Variants in TRAPPC9 observed in about 807,000 individuals in gnomAD.
TRAPPC9 encodes the protein trafficking protein particle complex subunit 9.
Under a neutral mutation model 124.0 loss-of-function variants are expected in TRAPPC9, and 83 were observed. The ratio of observed to expected loss-of-function variants is 0.67; its 90% CI spans 0.56 to 0.80. The LOEUF (loss-of-function observed/expected upper bound fraction) is 0.80. TRAPPC9 is among the 30% of genes least tolerant of loss of function. The pLI is 0.00. For synonymous variants in TRAPPC9, 638 were observed against 617.5 expected, an observed-to-expected ratio of 1.03 and a Z score of -0.49; for missense variants, 1,302 against 1,508.3, an observed-to-expected ratio of 0.86 and a Z score of 2.27.
At chr8:140,350,557 C>T (rs1435426127) in intron 9 of TRAPPC9, among the ~76,000 whole-genome samples, 2 of 152,112 alleles carry the variant, frequency 1.3e-5, no homozygotes, top group Non-Finnish European at 2.9e-5. Context: ...CAGATGGGGT[C>T]TGCTAGCCTC....
intron 21 of TRAPPC9, among the ~76,000 whole-genome samples, chr8:139,735,949 G>A (rs546051268): frequency 6.6e-6 from 1 of 152,254 alleles, no homozygotes; most frequent in South Asian, 2.1e-4. Flanking sequence ...GGCAGGGGTT[G>A]TGGGCAGAGC....
At chr8:140,331,343 T>G (rs1027387784) in intron 9 of TRAPPC9, among the ~76,000 whole-genome samples, 1 of 152,048 alleles carries the variant, frequency 6.6e-6, no homozygotes, top group African/African-American at 2.4e-5. Flanking sequence ...AAGACTTAAA[T>G]GTAAAAACCA....
chr8:139,751,171 G>C (rs967860166), intron 21 of TRAPPC9, among the ~76,000 whole-genome samples: 1 of 152,244 alleles, frequency 6.6e-6, no homozygotes. Context: ...AGCCCACCCA[G>C]CCACAGGTCT....
intron 17 of TRAPPC9, chr8:140,096,734 G>A (rs1021563329): frequency 6.6e-6 from 1 of 152,206 alleles, no homozygotes; most frequent in East Asian, 1.9e-4. Context: ...ACCCAGTAGA[G>A]ATACTGGGTA....
chr8:140,148,189 A>G (rs6578073), intron 17 of TRAPPC9, among the ~76,000 whole-genome samples: 86,848 of 152,070 alleles, frequency 0.57, 26,944 homozygotes, highest in African/African-American at 0.83. Flanking sequence ...GACAGCCAGA[A>G]GGAGTCAGAT....
chr8:140,070,302 T>C lies in TRAPPC9; in HGVS notation c.2557-46223A>G, dbSNP rs181442986. The stretch of plus-strand genomic sequence containing the variant: ...TATAGAAATGTCACAGCACAGATGA[T>C]ATGTGTTAACATGCAGCCTTCTTAA... On this transcript the variant is annotated intron_variant, in intron 17 of 22. Transcript: ENST00000438773. Among the ~76,000 whole-genome samples the C allele has an allele frequency of 2.6e-5, 4 of 152,364 alleles. No individual in the cohort carries two copies. In the East Asian group the frequency reaches 7.7e-4, roughly 29 times the overall value.
At chr8:140,069,113 C>A (rs1398869029) in intron 17 of TRAPPC9, among the ~76,000 whole-genome samples, 1 of 152,192 alleles carries the variant, frequency 6.6e-6, no homozygotes, top group Non-Finnish European at 1.5e-5. Context: ...TGTCCCGATC[C>A]CCTCCTGAAG....
chr8:140,027,142 T>C (rs1840198896), intron 17 of TRAPPC9, among the ~76,000 whole-genome samples: 1 of 152,194 alleles, frequency 6.6e-6, no homozygotes, highest in South Asian at 2.1e-4. Flanking sequence ...TTTCAAACAC[T>C]TCCTGGGTAT....
At position 139,825,961 on chromosome 8, in the gene TRAPPC9, G is replaced by A. The variant is rs1001309966; in HGVS notation, c.3055+59918C>T. Among the ~76,000 whole-genome samples, 3 of 152,218 alleles carry A rather than the reference G, an allele frequency of 2.0e-5. No individual in the cohort carries two copies. In the East Asian group the frequency reaches 5.8e-4, roughly 29 times the overall value. ...ACCCGCCCGTGGAACAGGCCATGAT[G>A]AGGATGTGCAACAGCAGGGGAGCTC... On this transcript the variant is annotated intron_variant, in intron 21 of 22. Coordinates refer to ENST00000438773, the MANE Select transcript of TRAPPC9 (RefSeq NM_001160372.4). This position sits in a 1 kb window ranked among gnomAD's most constrained non-coding sequence, Gnocchi z 4.6.
intron 17 of TRAPPC9, among the ~76,000 whole-genome samples, chr8:140,210,540 C>T (rs554330261): frequency 1.3e-5 from 2 of 152,150 alleles, no homozygotes; most frequent in African/African-American, 2.4e-5. Flanking sequence ...CATGTCCCCC[C>T]ACGCCCCCGC....
chr8:139,836,221 C>G (rs778615271), intron 21 of TRAPPC9, among the ~76,000 whole-genome samples: 2 of 152,184 alleles, frequency 1.3e-5, no homozygotes, highest in South Asian at 2.1e-4. Context: ...GTTGGCCAAG[C>G]TGGTCTCGAA....
chr8:140,426,496 T>G, intron 5 of TRAPPC9, 119 bp downstream of exon 5: 1 of 1,044,628 alleles, frequency 9.6e-7, no homozygotes, highest in Non-Finnish European at 1.5e-6. Flanking sequence ...GATTTAAAGT[T>G]ACTTAAATCA....
At chr8:140,169,551 C>A (rs746491413) in intron 17 of TRAPPC9, among the ~76,000 whole-genome samples, 3 of 152,012 alleles carry the variant, frequency 2.0e-5, no homozygotes, top group South Asian at 2.1e-4. Flanking sequence ...AAACAGAATG[C>A]GGATGTGGAA....
Position 139,776,653 on chromosome 8 carries a change from CGTGTGTGTCTGT to C in TRAPPC9, c.3056-44463_3056-44452del. Among the ~76,000 whole-genome samples, 1 of 151,752 alleles carries C rather than the reference CGTGTGTGTCTGT, an allele frequency of 6.6e-6. No individual in the cohort carries two copies. The highest frequency in any genetic ancestry group is 2.4e-5 in the African/African-American group (1 of 41,332). On this transcript the variant is annotated intron_variant, in intron 21 of 22. Coordinates refer to ENST00000438773, the MANE Select transcript of TRAPPC9 (RefSeq NM_001160372.4). The surrounding 1 kb of genome is among the most constrained non-coding windows in gnomAD (Gnocchi z 4.1). ...TGGTCCCGTCATCTGCCTGTGTGCACGTGTGTGTCTGTGTGTGTGTGCGCACACACACACAGA... is the reference window on the plus strand; with the variant it reads ...TGGTCCCGTCATCTGCCTGTGTGCACGTGTGTGTGCGCACACACACACAGA...
At position 140,196,689 on chromosome 8, in the gene TRAPPC9, C is replaced by T. The variant is rs964229486; in HGVS notation, c.2556+24770G>A. Among the ~76,000 whole-genome samples, 25 of 151,688 alleles carry T rather than the reference C, an allele frequency of 1.6e-4. 1 individual carries two copies. Among genetic ancestry groups the T allele is most frequent in the African/African-American group, 5.8e-4 (24 of 41,084 alleles). On this transcript the variant is annotated intron_variant, in intron 17 of 22. Transcript: ENST00000438773. ...AAAACACACTCAACAATCCACTGTA[C>T]AGATCACACGTGTGACACAAACACA... is the stretch of plus-strand genomic sequence containing the variant.
intron 21 of TRAPPC9, among the ~76,000 whole-genome samples, chr8:139,884,714 C>T (rs969455479): frequency 6.6e-6 from 1 of 152,150 alleles, no homozygotes; most frequent in Middle Eastern, 3.2e-3. Flanking sequence ...ACAGGGAAGC[C>T]TCCAGAGAAC....
chr8:139,998,099 A>T (rs949474080), intron 18 of TRAPPC9, among the ~76,000 whole-genome samples: 1 of 152,274 alleles, frequency 6.6e-6, no homozygotes, highest in Non-Finnish European at 1.5e-5. Flanking sequence ...ACAAAACAAC[A>T]AATTTTTCTA....
At chr8:139,864,712 G>A (rs945895957) in intron 21 of TRAPPC9, among the ~76,000 whole-genome samples, 11 of 152,066 alleles carry the variant, frequency 7.2e-5, no homozygotes, top group African/African-American at 2.4e-4. Flanking sequence ...GCCCTGCAGG[G>A]CTGTGGGCAC....
chr8:140,097,159 C>T lies in TRAPPC9; in HGVS notation c.2557-73080G>A, dbSNP rs1303514528. On this transcript the variant is annotated intron_variant, in intron 17 of 22. Coordinates refer to ENST00000438773, the MANE Select transcript of TRAPPC9 (RefSeq NM_001160372.4). This position sits in a 1 kb window ranked among gnomAD's most constrained non-coding sequence, Gnocchi z 4.2. ...GTCTGGTTCTCGTGCACTGCTGCAG[C>T]AGTGCTGTCGTTGACAAAGCAAAGA... 6.6e-6 allele frequency: 1 copy of T among 152,262 alleles called. No homozygotes were observed. Among genetic ancestry groups the T allele is most frequent in the Non-Finnish European group, 1.5e-5 (1 of 68,082 alleles). 9.4% of individuals were successfully genotyped at this position (152,262 alleles called of 1,614,324 possible).
Sources: allele counts gnomAD v4.1 joint callset (sites outside exome capture counted in the v4.1 genomes callset), GRCh38; gene constraint gnomAD v4.1.1; non-coding constraint Gnocchi (gnomAD v3.1); transcripts MANE v1.5; gene names NCBI Gene and HGNC (gene_info 2026-07-23, HGNC 2026-07-21).